PKP1: variants seen among roughly 807,000 people sequenced by gnomAD.
PKP1 encodes the protein plakophilin 1.
A neutral mutation model predicts 76.4 loss-of-function variants in PKP1; 27 were observed. The ratio of observed to expected loss-of-function variants is 0.35; its 90% CI spans 0.26 to 0.49. The LOEUF is 0.49. Ranked by LOEUF, PKP1 falls within the 20% of genes least tolerant of loss-of-function variation. The probability of loss-of-function intolerance (pLI) is 0.99; values close to 1 mark genes in which losing one functional copy is unlikely to be tolerated. For missense variants in PKP1, 964 were observed against 955.2 expected (o/e 1.01, Z -0.12); for synonymous variants, 404 against 384.2 (o/e 1.05, Z -0.60).
intron 6 of PKP1, among the ~76,000 whole-genome samples, chr1:201,319,103 A>C (rs1398558234): frequency 8.4e-6 from 1 of 119,080 alleles, no homozygotes; most frequent in African/African-American, 2.8e-5. Context: ...CCCATGAAAA[A>C]AAATGCATTT....
chr1:201,320,292 C>T lies in PKP1; in HGVS notation c.1258C>T (p.Arg420Cys), dbSNP rs146785756. The change falls in exon 7 of 14, where the codon CGC (arginine) becomes TGC (cysteine). Residue 420 changes from arginine (R) to cysteine (C), a missense_variant. Coordinates refer to ENST00000367324, the MANE Select transcript of PKP1 (RefSeq NM_001005337.3). ...LRNLSSADAG[R>C]QTMRNYSGLI... ...GAACCTGAGCTCGGCCGATGCAGGC[C>T]GCCAGACCATGCGTAACTACTCAGG... 7.4e-5 allele frequency: 119 copies of T among 1,613,680 alleles called. No individual in the cohort carries two copies. Among genetic ancestry groups the T allele is most frequent in the Non-Finnish European group, 9.7e-5 (115 of 1,179,736 alleles).
At chr1:201,307,850 G>A (rs891797379) in intron 2 of PKP1, among the ~76,000 whole-genome samples, 26 of 152,178 alleles carry the variant, frequency 1.7e-4, no homozygotes, top group African/African-American at 4.1e-4. Flanking sequence ...GAAACTGTGC[G>A]TGCACTCCCT....
intron 12 of PKP1, 128 bp downstream of exon 12, chr1:201,325,966 A>C (rs1657115852): frequency 1.4e-6 from 1 of 708,870 alleles, no homozygotes; most frequent in African/African-American, 1.7e-5. Context: ...CTGAGAGACA[A>C]AGACAGCGTC....
At position 201,332,465 on chromosome 1, in the gene PKP1, GAA is replaced by G. The variant is rs1345923648; in HGVS notation, c.*2426_*2427del. ...AAAACTGAGAGGGGCTTTTCCTAGA[GAA>G]AGAGAACAAGGAGCTTGCCAGGCTT... is the stretch of plus-strand genomic sequence containing the variant. On this transcript the variant is annotated 3_prime_UTR_variant, in exon 14 of 14. Transcript: ENST00000367324. 6.6e-6 allele frequency: 1 copy of G among 152,292 alleles called. No homozygotes were observed. The highest frequency in any genetic ancestry group is 1.5e-5 in the Non-Finnish European group (1 of 68,086). The allele number at this position is 152,292 out of a possible 1,614,324, so 9.4% of individuals were successfully genotyped here. A position where few individuals can be genotyped will look rare whatever the true frequency, so the allele number is the denominator to read the frequency against.
At chr1:201,318,955 T>C (rs1016272000) in intron 6 of PKP1, among the ~76,000 whole-genome samples, 160 bp downstream of exon 6, 2 of 152,188 alleles carry the variant, frequency 1.3e-5, no homozygotes, top group Admixed American at 6.5e-5. Context: ...CAGGCCTTCC[T>C]AACTTCCCTG....
intron 2 of PKP1, among the ~76,000 whole-genome samples, chr1:201,304,909 GCT>G (rs1372928624): frequency 6.6e-6 from 1 of 152,224 alleles, no homozygotes; most frequent in East Asian, 1.9e-4. Flanking sequence ...CAAAGCTGCT[GCT>G]CTCTGCCCTG....
chr1:201,290,028 A>T (rs1018831271), intron 1 of PKP1, among the ~76,000 whole-genome samples: 1 of 152,182 alleles, frequency 6.6e-6, no homozygotes, highest in Non-Finnish European at 1.5e-5. Context: ...ATCCTAAAGA[A>T]GGAGCTGCCT....
At chr1:201,305,193 C>G (rs1374245274) in intron 2 of PKP1, among the ~76,000 whole-genome samples, 1 of 152,160 alleles carries the variant, frequency 6.6e-6, no homozygotes, top group Non-Finnish European at 1.5e-5. Flanking sequence ...ACTGAAGGTC[C>G]CAGTCAAGTG....
intron 5 of PKP1, among the ~76,000 whole-genome samples, 158 bp downstream of exon 5, chr1:201,317,937 G>A (rs1254303699): frequency 2.6e-5 from 4 of 152,360 alleles, no homozygotes; most frequent in Middle Eastern, 3.4e-3. Context: ...AGTGACACTG[G>A]CCTTGGCCCA....
intron 1 of PKP1, among the ~76,000 whole-genome samples, chr1:201,292,730 T>A (rs1266447021): frequency 6.6e-6 from 1 of 151,694 alleles, no homozygotes; most frequent in Admixed American, 6.6e-5. Context: ...GATGGGGGAG[T>A]CTGACCATCG....
Position 201,317,601 on chromosome 1 carries a change from G to T in PKP1, c.876G>T (p.Leu292=). The T allele has an allele frequency of 6.2e-7, 1 of 1,613,990 alleles. No individual in the cohort carries two copies. Among genetic ancestry groups the T allele is most frequent in the African/African-American group, 1.3e-5 (1 of 75,032 alleles). ...QVYQLGGICK[L]VDLLRSPNQN... ...ATCAGCTGGGAGGCATCTGCAAGCT[G>T]GTGGACCTCCTCCGCAGCCCCAACC... The change falls in exon 5 of 14, where the codon CTG becomes CTT. Residue 292 remains leucine, a synonymous_variant. Coordinates refer to ENST00000367324, the MANE Select transcript of PKP1 (RefSeq NM_001005337.3).
intron 1 of PKP1, among the ~76,000 whole-genome samples, chr1:201,288,991 C>T (rs944788498): frequency 1.3e-5 from 2 of 152,214 alleles, no homozygotes; most frequent in African/African-American, 4.8e-5. Context: ...AGGTCAAGAG[C>T]CACACCAAAG....
At chr1:201,328,953 C>A in intron 13 of PKP1, 85 bp downstream of exon 13, 1 of 859,264 alleles carries the variant, frequency 1.2e-6, no homozygotes. Context: ...TAGGCCTGTG[C>A]TCCCAGGGAC....
intron 1 of PKP1, among the ~76,000 whole-genome samples, chr1:201,288,048 A>G (rs947946449): frequency 6.6e-6 from 1 of 152,000 alleles, no homozygotes; most frequent in Non-Finnish European, 1.5e-5. Flanking sequence ...CACACATAAC[A>G]TGCACACACT....
intron 3 of PKP1, among the ~76,000 whole-genome samples, chr1:201,314,080 G>A (rs1319508387): frequency 1.3e-5 from 2 of 152,202 alleles, no homozygotes; most frequent in East Asian, 3.9e-4. Context: ...CGGTATGGAC[G>A]ACGGGAATAG....
rs34961064 is a variant in PKP1, at chr1:201,283,694, C to A, written c.-9C>A. 6.2e-7 allele frequency: 1 copy of A among 1,612,486 alleles called. No individual in the cohort carries two copies. The highest frequency in any genetic ancestry group is 1.7e-5 in the Admixed American group (1 of 59,930). ...GGCCCCGGCCGCGCGCCACCCGCCT[C>A]CCGCCACCATGAACCACTCGCCGCT... On this transcript the variant is annotated 5_prime_UTR_variant, in exon 1 of 14. Coordinates refer to ENST00000367324, the MANE Select transcript of PKP1 (RefSeq NM_001005337.3).
At chr1:201,327,149 A>G (rs1406817003) in intron 12 of PKP1, among the ~76,000 whole-genome samples, 5 of 152,182 alleles carry the variant, frequency 3.3e-5, no homozygotes, top group Admixed American at 6.5e-5. Flanking sequence ...GCTCCCTGCA[A>G]TTTAGCCTGC....
At chr1:201,304,393 C>G (rs1656317244) in intron 2 of PKP1, among the ~76,000 whole-genome samples, 1 of 152,240 alleles carries the variant, frequency 6.6e-6, no homozygotes, top group East Asian at 1.9e-4. Context: ...CAAACAGTCA[C>G]ATTCCCATCA....
In PKP1 at chr1:201,317,584, G is replaced by C; in HGVS notation, c.859G>C (p.Gly287Arg). The C allele has an allele frequency of 6.2e-7, 1 of 1,613,930 alleles. No homozygotes were observed. Among genetic ancestry groups the C allele is most frequent in the Non-Finnish European group, 8.5e-7 (1 of 1,179,928 alleles). Residue 287 changes from glycine to arginine, a missense_variant, in exon 5 of 14, where the codon GGA becomes CGA. Transcript: ENST00000367324. ...TCTTTCCTGGCAGGTCTATCAGCTG[G>C]GAGGCATCTGCAAGCTGGTGGACCT... ...ESAKQQVYQLGGICKLVDLLR... is the reference protein window; with the variant it reads ...ESAKQQVYQLRGICKLVDLLR...
Sources: allele counts gnomAD v4.1 joint callset (sites outside exome capture counted in the v4.1 genomes callset), GRCh38; gene constraint gnomAD v4.1.1; transcripts MANE v1.5; gene names NCBI Gene and HGNC (gene_info 2026-07-23, HGNC 2026-07-21).